The following SYNE2 variants were observed in gnomAD, a reference collection of about 807,000 sequenced individuals.
SYNE2 encodes spectrin repeat containing nuclear envelope protein 2.
SYNE2 carries 431 observed loss-of-function variants against 856.3 expected under a neutral mutation model. The observed-to-expected ratio is 0.50, with a 90% CI of 0.47 to 0.55. SYNE2 has a LOEUF of 0.55. Among genes scored for constraint, SYNE2 ranks in the 20% least tolerant of loss-of-function variants. The pLI is 0.00. For synonymous variants in SYNE2, 2,923 were observed against 2,872.3 expected (o/e 1.02, Z -0.56); for missense variants, 8,129 against 8,023.2 (o/e 1.01, Z -0.50).
At chr14:63,931,784 T>G (rs2095759475) in intron 2 of SYNE2, among the ~76,000 whole-genome samples, 1 of 152,178 alleles carries the variant, frequency 6.6e-6, no homozygotes, top group African/African-American at 2.4e-5. Flanking sequence ...CAAGTTCTCA[T>G]GTTGAGTAGG....
intron 29 of SYNE2, 58 bp downstream of exon 29, chr14:64,002,139 T>C: frequency 7.4e-7 from 1 of 1,350,512 alleles, no homozygotes; most frequent in Non-Finnish European, 1.1e-6. Flanking sequence ...TTGAGATTTA[T>C]AAATCCTTAT....
At chr14:64,017,084 C>A (rs1447526663) in intron 33 of SYNE2, among the ~76,000 whole-genome samples, 1 of 151,946 alleles carries the variant, frequency 6.6e-6, no homozygotes, top group Non-Finnish European at 1.5e-5. Context: ...AATCCTAGCA[C>A]TTTGGGAGGC....
chr14:63,795,279 T>C (rs1192124595), intron 1 of SYNE2, among the ~76,000 whole-genome samples: 1 of 151,872 alleles, frequency 6.6e-6, no homozygotes, highest in Non-Finnish European at 1.5e-5. Flanking sequence ...CCAGCGTGGA[T>C]AGAATATAAA....
At chr14:63,960,055 A>G (rs182331044) in intron 8 of SYNE2, among the ~76,000 whole-genome samples, 2 of 152,340 alleles carry the variant, frequency 1.3e-5, no homozygotes, top group Admixed American at 6.5e-5. Flanking sequence ...TTTTGACGTA[A>G]TATTGTTAAC....
At chr14:64,099,056 A>G (rs1204694550) in intron 63 of SYNE2, 5 of 500,622 alleles carry the variant, frequency 1.0e-5, no homozygotes, top group Non-Finnish European at 1.8e-5. Flanking sequence ...CATACGGGAG[A>G]AGGTGAAGAA....
rs1264771832 is a variant in SYNE2, at chr14:63,817,855, C to T, written c.-304-34646C>T. Among the ~76,000 whole-genome samples the T allele has an allele frequency of 3.3e-5, 5 of 151,022 alleles. No homozygotes were observed. The East Asian group carries it at 7.8e-4, about 24-fold the overall frequency. On this transcript the variant is annotated intron_variant, in intron 1 of 23. Transcript: ENST00000674003. ...CTTGGGCAACACAGGGAGACCCTGT[C>T]TCTAGAAACAAATTAAAACATTAGT...
At position 64,053,273 on chromosome 14, in the gene SYNE2, A is replaced by T; in HGVS notation, c.9360A>T (p.Ile3120=). The T allele has an allele frequency of 6.2e-7, 1 of 1,608,928 alleles. No homozygotes were observed. Among genetic ancestry groups the T allele is most frequent in the Non-Finnish European group, 8.5e-7 (1 of 1,178,538 alleles). The part of the protein sequence containing the change: ...TFDDSFKEKE[I]LQIKLNAEEN... ...ATGACTCATTCAAGGAGAAAGAAAT[A>T]CTACAAATAAAGCTGAATGCAGAAG... The change falls in exon 48 of 116, where the codon ATA becomes ATT. Residue 3120 remains isoleucine (I), a synonymous_variant. Coordinates refer to ENST00000555002, the MANE Select transcript of SYNE2 (RefSeq NM_182914.3).
chr14:63,904,234 C>A (rs888730548), intron 1 of SYNE2, among the ~76,000 whole-genome samples: 1 of 152,066 alleles, frequency 6.6e-6, no homozygotes, highest in African/African-American at 2.4e-5. Context: ...GATGGGAACC[C>A]AGGCTGAATC....
chr14:63,993,241 C>A (rs1222799537), intron 21 of SYNE2, among the ~76,000 whole-genome samples: 1 of 152,122 alleles, frequency 6.6e-6, no homozygotes, highest in Non-Finnish European at 1.5e-5. Flanking sequence ...TTTGTCTTGG[C>A]CAGGCATGTG....
intron 53 of SYNE2, among the ~76,000 whole-genome samples, chr14:64,074,498 G>T (rs1282172407): frequency 6.6e-6 from 1 of 152,146 alleles, no homozygotes; most frequent in African/African-American, 2.4e-5. Flanking sequence ...CAGGGTCTAT[G>T]TACACCCTAC....
chr14:63,869,537 G>A lies in SYNE2; in HGVS notation c.-52+16394G>A, dbSNP rs777268761. Among the ~76,000 whole-genome samples, 10 of 147,592 alleles carry A rather than the reference G, an allele frequency of 6.8e-5. No homozygotes were observed. The South Asian group carries it at 1.1e-3, about 17-fold the overall frequency. On this transcript the variant is annotated intron_variant, in intron 1 of 115. Transcript: ENST00000555002. ...CTCGGGAGGCTGAGGCAGGAGAATC[G>A]CTTGAAACGGAGGTGGTGGGGGAAG...
intron 89 of SYNE2, 71 bp downstream of exon 89, chr14:64,163,652 T>C: frequency 6.3e-7 from 1 of 1,581,050 alleles, no homozygotes. Flanking sequence ...CTTGTATCCT[T>C]TGAAGCAGTA....
intron 11 of SYNE2, among the ~76,000 whole-genome samples, chr14:63,969,424 C>G (rs1199540301): frequency 6.6e-6 from 1 of 150,564 alleles, no homozygotes; most frequent in East Asian, 1.9e-4. Flanking sequence ...CACTGCAACC[C>G]CTCCACCTCC....
chr14:64,139,854 C>A (rs1460397750), intron 79 of SYNE2, 87 bp from the exon 80 acceptor site: 5 of 1,376,378 alleles, frequency 3.6e-6, no homozygotes, highest in Non-Finnish European at 5.2e-6. Flanking sequence ...GGAGGACATA[C>A]AATAAAATAA....
intron 2 of SYNE2, among the ~76,000 whole-genome samples, chr14:63,918,156 A>G (rs2095554169): frequency 6.6e-6 from 1 of 152,224 alleles, no homozygotes; most frequent in Non-Finnish European, 1.5e-5. Flanking sequence ...TTGAAGTAGT[A>G]CATTAGAAAA....
Position 64,162,159 on chromosome 14 carries a change from T to C in SYNE2, c.16182T>C (p.His5394=), listed in dbSNP as rs774871968. Residue 5394 remains histidine (H), a synonymous_variant, in exon 88 of 116, where the codon CAT becomes CAC. Transcript: ENST00000555002. ...TCTGGAAGGCCTATAGCAATGCTCA[T>C]GGTGAAGCTGCCGCAAGGCTGAAGC... The part of the protein sequence containing the change: ...LQLWKAYSNA[H]GEAAARLKQQ... The C allele has an allele frequency of 3.1e-6, 5 of 1,614,192 alleles. No homozygotes were observed. Among genetic ancestry groups the C allele is most frequent in the Admixed American group, 1.7e-5 (1 of 60,026 alleles).
chr14:64,177,465 C>T lies in SYNE2; in HGVS notation c.17538C>T (p.Asn5846=), dbSNP rs367757065. ...CAGAGCTTCACGAGGACCTCCATAA[C>T]GAAAAAGAGCTGATTAAGGTATTGA... ...PLPELHEDLH[N]EKELIKELEQ... The change falls in exon 96 of 116, where the codon AAC becomes AAT. Residue 5846 remains asparagine, a synonymous_variant. Coordinates refer to ENST00000555002, the MANE Select transcript of SYNE2 (RefSeq NM_182914.3). 1.6e-4 allele frequency: 263 copies of T among 1,614,072 alleles called. 1 individual carries two copies. The South Asian group carries it at 1.9e-3, about 12-fold the overall frequency.
At chr14:63,778,588 C>T (rs1199996712) in intron 1 of SYNE2, among the ~76,000 whole-genome samples, 1 of 152,094 alleles carries the variant, frequency 6.6e-6, no homozygotes, top group Non-Finnish European at 1.5e-5. Flanking sequence ...GATTATAGCT[C>T]ACTGCAGCTT....
chr14:63,985,329 C>CA (rs11399582), intron 18 of SYNE2, among the ~76,000 whole-genome samples: 42,919 of 82,128 alleles, frequency 0.52, 10,231 homozygotes, highest in African/African-American at 0.66. Context: ...GGCTCCATCT[C>CA]AAAAAAAAAA....
Sources: allele counts gnomAD v4.1 joint callset (sites outside exome capture counted in the v4.1 genomes callset), GRCh38; gene constraint gnomAD v4.1.1; transcripts MANE v1.5; gene names NCBI Gene and HGNC (gene_info 2026-07-23, HGNC 2026-07-21).